Variants in DPP10 observed in about 807,000 individuals in gnomAD.
DPP10 encodes the protein inactive dipeptidyl peptidase 10.
In DPP10, 33 loss-of-function variants were observed where a neutral mutation model predicts 120.9. The observed-to-expected ratio is 0.27, with a 90% CI of 0.21 to 0.37. The LOEUF (loss-of-function observed/expected upper bound fraction) is 0.37. Ranked by LOEUF, DPP10 falls within the 10% of genes least tolerant of loss-of-function variation. DPP10 has a pLI of 1.00. For synonymous variants in DPP10, 337 were observed against 326.1 expected (o/e 1.03, Z -0.36); for missense variants, 816 against 942.8 (o/e 0.87, Z 1.76).
chr2:115,226,009 T>A (rs777364752), intron 1 of DPP10, among the ~76,000 whole-genome samples: 13 of 152,184 alleles, frequency 8.5e-5, no homozygotes, highest in Middle Eastern at 6.8e-3. Context: ...TTTTAAATAT[T>A]TTTTGGACAG....
intron 1 of DPP10, among the ~76,000 whole-genome samples, chr2:114,842,679 G>A (rs1461179680): frequency 3.3e-5 from 5 of 152,250 alleles, no homozygotes; most frequent in African/African-American, 2.4e-5. Flanking sequence ...TTGAGAAGAA[G>A]CACCAATGTT....
intron 1 of DPP10, among the ~76,000 whole-genome samples, chr2:114,452,761 G>A (rs879550093): frequency 3.9e-5 from 6 of 152,042 alleles, no homozygotes; most frequent in Non-Finnish European, 8.8e-5. Flanking sequence ...CACCTCCAGG[G>A]TCAGTTAAAT....
chr2:115,836,467 T>C (rs145575628), intron 22 of DPP10, 40 bp from the exon 23 acceptor site: 5 of 1,590,838 alleles, frequency 3.1e-6, no homozygotes, highest in Non-Finnish European at 4.3e-6. Context: ...GTCAAATAGT[T>C]TTTAGTTTCT....
At chr2:115,315,596 AAAT>A (rs1376820545) in intron 2 of DPP10, among the ~76,000 whole-genome samples, 1 of 152,162 alleles carries the variant, frequency 6.6e-6, no homozygotes, top group Non-Finnish European at 1.5e-5. Context: ...TATGAGGGGA[AAAT>A]AATGTTTTAC....
At chr2:114,948,788 G>C (rs954124398) in intron 1 of DPP10, among the ~76,000 whole-genome samples, 1 of 152,130 alleles carries the variant, frequency 6.6e-6, no homozygotes, top group African/African-American at 2.4e-5. Context: ...AAAGAAAAGA[G>C]GTTTAACTGA....
intron 7 of DPP10, among the ~76,000 whole-genome samples, chr2:115,699,306 G>A (rs1388554183): frequency 6.6e-6 from 1 of 152,146 alleles, no homozygotes; most frequent in African/African-American, 2.4e-5. Context: ...AAACATTCTG[G>A]AACTGATGGC....
At chr2:114,486,939 T>C (rs893682094) in intron 1 of DPP10, among the ~76,000 whole-genome samples, 1 of 152,196 alleles carries the variant, frequency 6.6e-6, no homozygotes, top group Non-Finnish European at 1.5e-5. Flanking sequence ...AATTTGGTCA[T>C]TAAATATTAA....
intron 1 of DPP10, among the ~76,000 whole-genome samples, chr2:114,682,090 A>G (rs979728318): frequency 1.3e-5 from 2 of 151,952 alleles, no homozygotes; most frequent in Non-Finnish European, 2.9e-5. Flanking sequence ...GCCCTGCTGT[A>G]AGATTGTACA....
intron 1 of DPP10, among the ~76,000 whole-genome samples, chr2:114,648,246 T>C (rs1332371295): frequency 1.3e-5 from 2 of 152,202 alleles, no homozygotes; most frequent in African/African-American, 4.8e-5. Flanking sequence ...GTGTTCTCCT[T>C]AATAAAGTTC....
chr2:114,616,000 G>T (rs1349051466), intron 1 of DPP10, among the ~76,000 whole-genome samples: 2 of 152,142 alleles, frequency 1.3e-5, no homozygotes, highest in African/African-American at 4.8e-5. Flanking sequence ...CTAGCAGAGA[G>T]AACTGAACTA....
chr2:115,362,618 T>C (rs2064852689), intron 3 of DPP10, among the ~76,000 whole-genome samples: 1 of 152,134 alleles, frequency 6.6e-6, no homozygotes, highest in African/African-American at 2.4e-5. Flanking sequence ...GATATATTAG[T>C]GAGATTCATA....
rs369665314 is a variant in DPP10, at chr2:115,101,330, G to A, written c.61-207909G>A. 1.1e-4 allele frequency among the ~76,000 whole-genome samples: 16 copies of A among 152,174 alleles called. No homozygotes were observed. The South Asian group carries it at 1.7e-3, about 16-fold the overall frequency. ...TGGTTACAAAATCACTTGATATCTC[G>A]TGGTTGGCTGACACATATCTCCTAA... On this transcript the variant is annotated intron_variant, in intron 1 of 25. Coordinates refer to ENST00000410059, the MANE Select transcript of DPP10 (RefSeq NM_020868.6).
intron 3 of DPP10, among the ~76,000 whole-genome samples, chr2:115,424,508 T>TA (rs1252354918): frequency 7.9e-5 from 12 of 152,052 alleles, no homozygotes; most frequent in Admixed American, 5.9e-4. Flanking sequence ...TCAAATTTTT[T>TA]AAAAAAATAA....
chr2:114,509,093 T>C (rs1558826842), intron 1 of DPP10, among the ~76,000 whole-genome samples: 1 of 152,134 alleles, frequency 6.6e-6, no homozygotes, highest in East Asian at 1.9e-4. Flanking sequence ...AGAGACTAGA[T>C]TTCAAGACAG....
intron 5 of DPP10, among the ~76,000 whole-genome samples, chr2:115,604,735 A>G (rs1226077182): frequency 6.6e-6 from 1 of 152,074 alleles, no homozygotes; most frequent in Non-Finnish European, 1.5e-5. Context: ...TAACATCGAC[A>G]GTATAGCCTT....
intron 3 of DPP10, among the ~76,000 whole-genome samples, chr2:115,449,550 C>T (rs2072929339): frequency 2.0e-5 from 3 of 152,016 alleles, no homozygotes; most frequent in African/African-American, 7.2e-5. Flanking sequence ...CATAGTAAAG[C>T]ATTAGTGACT....
At chr2:115,057,374 T>A (rs1320716274) in intron 1 of DPP10, among the ~76,000 whole-genome samples, 1 of 151,218 alleles carries the variant, frequency 6.6e-6, no homozygotes, top group Non-Finnish European at 1.5e-5. Context: ...GATGGAGGGA[T>A]TTTTTTTTAG....
chr2:115,371,107 G>A (rs560711634), intron 3 of DPP10, among the ~76,000 whole-genome samples: 2 of 152,134 alleles, frequency 1.3e-5, no homozygotes, highest in East Asian at 1.9e-4. Flanking sequence ...TTTGGGGATC[G>A]TACAACATCT....
intron 3 of DPP10, among the ~76,000 whole-genome samples, chr2:115,369,894 T>C (rs1272706773): frequency 6.6e-6 from 1 of 152,134 alleles, no homozygotes; most frequent in East Asian, 1.9e-4. Context: ...TCTGTTTATG[T>C]TAATCCTTGT....
Sources: gnomAD v4.1 joint callset for allele counts (sites outside exome capture counted in the v4.1 genomes callset) on GRCh38, gnomAD v4.1.1 for gene constraint, MANE v1.5 for transcripts, NCBI Gene and HGNC (gene_info 2026-07-23, HGNC 2026-07-21) for gene names.